The following FLT1 variants were observed in gnomAD, a reference collection of about 807,000 sequenced individuals.
The protein encoded by FLT1 is fms related receptor tyrosine kinase 1, also known as vascular endothelial growth factor receptor 1.
FLT1 carries 49 observed loss-of-function variants against 156.3 expected under a neutral mutation model. The ratio of observed to expected loss-of-function variants is 0.31; its 90% CI spans 0.25 to 0.40. The LOEUF (loss-of-function observed/expected upper bound fraction) is 0.40. FLT1 is among the 10% of genes least tolerant of loss of function. The pLI is 1.00. For missense variants in FLT1, 1,322 were observed against 1,637.2 expected (o/e 0.81, Z 3.32); for synonymous variants, 594 against 583.8 (o/e 1.02, Z -0.25).
chr13:28,372,865 A>C (rs1873682737), intron 14 of FLT1, among the ~76,000 whole-genome samples: 1 of 151,722 alleles, frequency 6.6e-6, no homozygotes, highest in Non-Finnish European at 1.5e-5. Context: ...TTGGCAACAG[A>C]GTGAGACTCT....
At chr13:28,368,506 A>C in intron 14 of FLT1, 1 of 1,538,592 alleles carries the variant, frequency 6.5e-7, no homozygotes, top group South Asian at 1.2e-5. Flanking sequence ...AGTTCTTTGA[A>C]GTTGACACAT....
chr13:28,493,064 G>C (rs1881556532), intron 1 of FLT1, among the ~76,000 whole-genome samples: 1 of 152,206 alleles, frequency 6.6e-6, no homozygotes, highest in Non-Finnish European at 1.5e-5. Flanking sequence ...ACTGATCTAA[G>C]ATGCTTCCAA....
chr13:28,402,469 C>A (rs1593749861), intron 11 of FLT1, among the ~76,000 whole-genome samples: 1 of 152,058 alleles, frequency 6.6e-6, no homozygotes, highest in African/African-American at 2.4e-5. Flanking sequence ...TTACTAAATT[C>A]TCCTAAATTC....
At chr13:28,350,892 CTTCCTTCCTTCT>C (rs534409695) in intron 15 of FLT1, among the ~76,000 whole-genome samples, 1 of 151,470 alleles carries the variant, frequency 6.6e-6, no homozygotes, top group South Asian at 2.1e-4. Flanking sequence ...TCCTCCCTTT[CTTCCTTCCTTCT>C]TTCCTTCCTT....
intron 10 of FLT1, among the ~76,000 whole-genome samples, chr13:28,410,970 A>G (rs1298704712): frequency 1.3e-5 from 2 of 152,060 alleles, no homozygotes; most frequent in African/African-American, 4.8e-5. Context: ...CTTTCCCACC[A>G]TGGGAGAAGT....
chr13:28,344,434 A>G (rs1294863183), intron 16 of FLT1, among the ~76,000 whole-genome samples: 4 of 152,170 alleles, frequency 2.6e-5, no homozygotes, highest in African/African-American at 4.8e-5. Flanking sequence ...TCAGAGTTGC[A>G]GTTTGACATT....
At chr13:28,488,096 T>A (rs1881265011) in intron 1 of FLT1, among the ~76,000 whole-genome samples, 1 of 151,332 alleles carries the variant, frequency 6.6e-6, no homozygotes, top group Non-Finnish European at 1.5e-5. Context: ...ATCACTAGGG[T>A]GTTAGTGAAG....
At position 28,322,370 on chromosome 13, in the gene FLT1, T is replaced by G; in HGVS notation, c.2954-11A>C. ...AGAAACCGTCAGAATCTGGAAAGCA[T>G]TAGAACCGTAACTGTTTGTAATGGC... On this transcript the variant is annotated splice_polypyrimidine_tract_variant and intron_variant, in intron 21 of 29. Transcript: ENST00000282397. The surrounding 1 kb of genome is among the most constrained non-coding windows in gnomAD (Gnocchi z 4.3). The G allele has an allele frequency of 6.4e-7, 1 of 1,562,284 alleles. No homozygotes were observed. Among genetic ancestry groups the G allele is most frequent in the South Asian group, 1.1e-5 (1 of 90,086 alleles).
At chr13:28,434,025 G>C in intron 5 of FLT1, 33 bp downstream of exon 5, 8 of 1,613,884 alleles carry the variant, frequency 5.0e-6, no homozygotes, top group Non-Finnish European at 6.8e-6. Flanking sequence ...AGAGCACTTC[G>C]GCTTATGTTC....
intron 6 of FLT1, among the ~76,000 whole-genome samples, 191 bp from the exon 7 acceptor site, chr13:28,431,501 A>G (rs1877680470): frequency 6.6e-6 from 1 of 152,220 alleles, no homozygotes; most frequent in Non-Finnish European, 1.5e-5. Flanking sequence ...AATATGTAGC[A>G]TAGCAGGATT....
intron 11 of FLT1, among the ~76,000 whole-genome samples, 184 bp from the exon 12 acceptor site, chr13:28,397,252 G>A (rs1353589699): frequency 2.0e-5 from 3 of 152,156 alleles, no homozygotes; most frequent in Admixed American, 6.5e-5. Context: ...AAAATAACAG[G>A]AAAGCAGGTC....
chr13:28,303,494 C>CCT, intron 29 of FLT1, 126 bp from the exon 30 acceptor site: 1 of 754,422 alleles, frequency 1.3e-6, no homozygotes, highest in East Asian at 2.7e-5. Flanking sequence ...GTTTTGGAAC[C>CCT]CCCCCCCCCT....
intron 1 of FLT1, among the ~76,000 whole-genome samples, chr13:28,477,599 C>A (rs753433219): frequency 1.3e-5 from 2 of 152,176 alleles, no homozygotes; most frequent in Non-Finnish European, 2.9e-5. Context: ...TGCAAATGGA[C>A]ACGAACAGAG....
chr13:28,468,722 A>G (rs1463942596), intron 1 of FLT1, among the ~76,000 whole-genome samples: 1 of 152,114 alleles, frequency 6.6e-6, no homozygotes, highest in Non-Finnish European at 1.5e-5. Context: ...TGCTGCCACC[A>G]TGTGATACAC....
chr13:28,369,558 C>A (rs190965544), intron 14 of FLT1, among the ~76,000 whole-genome samples: 2 of 152,124 alleles, frequency 1.3e-5, no homozygotes, highest in Non-Finnish European at 2.9e-5. Flanking sequence ...AACGATTAAT[C>A]CATAAATGAC....
chr13:28,329,830 G>T (rs1428759097), intron 18 of FLT1, 102 bp from the exon 19 acceptor site: 3 of 932,476 alleles, frequency 3.2e-6, no homozygotes, highest in Non-Finnish European at 5.1e-6. Flanking sequence ...TCAGCCGGTT[G>T]CTTCACTAAC....
In FLT1 at chr13:28,456,147, C is replaced by T. The variant is rs116567649; in HGVS notation, c.388+10756G>A. On this transcript the variant is annotated intron_variant, in intron 3 of 29. Transcript: ENST00000282397. ...TTTGCCCAAAGGACCTGAAGAATTACATCCACCCAAAACCTGCACATGGAT... is the reference window on the plus strand; with the variant it reads ...TTTGCCCAAAGGACCTGAAGAATTATATCCACCCAAAACCTGCACATGGAT... Among the ~76,000 whole-genome samples the T allele has an allele frequency of 7.5e-3, 1,139 of 152,304 alleles. 16 individuals are homozygous for T. Among genetic ancestry groups the T allele is most frequent in the African/African-American group, 0.026 (1,099 of 41,560 alleles).
chr13:28,473,154 G>A (rs1880270193), intron 1 of FLT1, among the ~76,000 whole-genome samples: 1 of 152,162 alleles, frequency 6.6e-6, no homozygotes, highest in African/African-American at 2.4e-5. Context: ...TCGCAGGTAG[G>A]ACTTTTAAAC....
At chr13:28,427,126 T>C (rs200323127) in intron 10 of FLT1, 33 bp downstream of exon 10, 44 of 1,601,498 alleles carry the variant, frequency 2.7e-5, no homozygotes, top group Non-Finnish European at 3.6e-5. Flanking sequence ...CAAAAAGTAT[T>C]TGAAAGTTAG....
Sources: allele counts gnomAD v4.1 joint callset (sites outside exome capture counted in the v4.1 genomes callset), GRCh38; gene constraint gnomAD v4.1.1; non-coding constraint Gnocchi (gnomAD v3.1); transcripts MANE v1.5; gene names NCBI Gene and HGNC (gene_info 2026-07-23, HGNC 2026-07-21).